The following FAM135B variants were observed in gnomAD, a reference collection of about 807,000 sequenced individuals.
FAM135B encodes family with sequence similarity 135 member B.
Under a neutral mutation model 127.7 loss-of-function variants are expected in FAM135B, and 43 were observed. The ratio of observed to expected loss-of-function variants is 0.34; its 90% CI spans 0.26 to 0.43. The LOEUF (loss-of-function observed/expected upper bound fraction) is 0.43, where lower values mean the gene tolerates loss of function less well. Ranked by LOEUF, FAM135B falls within the 20% of genes least tolerant of loss-of-function variation. FAM135B has a pLI of 1.00. For synonymous variants in FAM135B, 670 were observed against 665.1 expected, an observed-to-expected ratio of 1.01 and a Z score of -0.11; for missense variants, 1,558 against 1,725.6, an observed-to-expected ratio of 0.90 and a Z score of 1.72.
At chr8:138,309,533 A>G (rs1826505350) in intron 3 of FAM135B, among the ~76,000 whole-genome samples, 1 of 152,178 alleles carries the variant, frequency 6.6e-6, no homozygotes. Flanking sequence ...CTCTGAAACC[A>G]CAGGCCTCTT....
intron 1 of FAM135B, among the ~76,000 whole-genome samples, chr8:138,376,595 T>C (rs1831489512): frequency 6.6e-6 from 1 of 152,214 alleles, no homozygotes; most frequent in Non-Finnish European, 1.5e-5. Flanking sequence ...GCACAATGCT[T>C]TATCCTCCCT....
chr8:138,144,503 T>G (rs544375986), intron 15 of FAM135B: 2 of 107,406 alleles, frequency 1.9e-5, no homozygotes, highest in Non-Finnish European at 3.8e-5. Context: ...CTATAAAATG[T>G]TAATTCAACA....
chr8:138,378,231 G>A (rs1005547207), intron 1 of FAM135B, among the ~76,000 whole-genome samples: 3 of 152,166 alleles, frequency 2.0e-5, no homozygotes, highest in Non-Finnish European at 4.4e-5. Flanking sequence ...TGGTCCACAA[G>A]GATAAATACC....
At chr8:138,405,578 G>A (rs1204350827) in intron 1 of FAM135B, among the ~76,000 whole-genome samples, 4 of 151,922 alleles carry the variant, frequency 2.6e-5, no homozygotes, top group Non-Finnish European at 5.9e-5. Context: ...ATTCCATGGT[G>A]TATATGTGCC....
At position 138,189,155 on chromosome 8, in the gene FAM135B, G is replaced by A. The variant is rs1411652059; in HGVS notation, c.873+6103C>T. Among the ~76,000 whole-genome samples the A allele has an allele frequency of 2.0e-5, 3 of 152,182 alleles. 1 individual carries two copies. Among genetic ancestry groups the A allele is most frequent in the Admixed American group, 1.3e-4 (2 of 15,286 alleles). ...GCTGGATGCCTCCCCAGAGACTATGGTTGCACGCTGGAGAGAAGCAGCTTG... is the reference window on the plus strand; with the variant it reads ...GCTGGATGCCTCCCCAGAGACTATGATTGCACGCTGGAGAGAAGCAGCTTG... On this transcript the variant is annotated intron_variant, in intron 9 of 19. Coordinates refer to ENST00000395297, the MANE Select transcript of FAM135B (RefSeq NM_015912.4).
intron 12 of FAM135B, among the ~76,000 whole-genome samples, chr8:138,156,473 C>T (rs964801122): frequency 6.6e-6 from 1 of 151,236 alleles, no homozygotes; most frequent in African/African-American, 2.4e-5. Context: ...GATAGAGACA[C>T]AAAAAACCCT....
rs1033933089 is a variant in FAM135B at position 138,130,678 on chromosome 8, T to G, written c.*1915A>C. 2 of 152,258 alleles carry G rather than the reference T, an allele frequency of 1.3e-5. No homozygotes were observed. Among genetic ancestry groups the G allele is most frequent in the Admixed American group, 1.3e-4 (2 of 15,276 alleles). 9.4% of individuals were successfully genotyped at this position (152,258 alleles called of 1,614,324 possible). A position where few individuals can be genotyped will look rare whatever the true frequency, so the allele number is the denominator to read the frequency against. On this transcript the variant is annotated 3_prime_UTR_variant, in exon 20 of 20. Coordinates refer to ENST00000395297, the MANE Select transcript of FAM135B (RefSeq NM_015912.4). ...GGAGAAGCTGCTACCAACTTATGGT[T>G]CTGTACTGAGCATGGGCACTTGCCT...
At chr8:138,159,011 G>T (rs989440640) in intron 12 of FAM135B, among the ~76,000 whole-genome samples, 1 of 151,552 alleles carries the variant, frequency 6.6e-6, no homozygotes, top group Non-Finnish European at 1.5e-5. Flanking sequence ...GGTGGCTCAC[G>T]CCTGTAATCC....
chr8:138,139,131 A>C, intron 17 of FAM135B, 35 bp from the exon 18 acceptor site: 1 of 1,365,862 alleles, frequency 7.3e-7, no homozygotes, highest in Non-Finnish European at 1.0e-6. Flanking sequence ...AATCAAAAAC[A>C]CAAAACAAAA....
chr8:138,151,204 T>G lies in FAM135B; in HGVS notation c.3271A>C (p.Arg1091=), dbSNP rs1263054454. Residue 1091 remains arginine (R), a synonymous_variant, in exon 13 of 20, where the codon AGG becomes CGG. Transcript: ENST00000395297. The part of the protein sequence containing the change: ...SSTLDEEVSE[R]MFSFYQAKEK... ...CGTCAGCCAGCTTACCTAAACATCC[T>G]CTCACTGACTTCCTCATCCAACGTG... The G allele has an allele frequency of 5.2e-6, 8 of 1,531,576 alleles. No individual in the cohort carries two copies. Among genetic ancestry groups the G allele is most frequent in the Non-Finnish European group, 7.0e-6 (8 of 1,139,964 alleles). The allele number at this position is 1,531,576 out of a possible 1,614,324, so 94.9% of individuals were successfully genotyped here.
chr8:138,396,872 C>T (rs1469779628), intron 1 of FAM135B, among the ~76,000 whole-genome samples: 1 of 152,182 alleles, frequency 6.6e-6, no homozygotes, highest in Non-Finnish European at 1.5e-5. Flanking sequence ...GCACCTGCTT[C>T]TGCTTCAAAG....
chr8:138,157,462 G>T (rs528578095), intron 12 of FAM135B, among the ~76,000 whole-genome samples: 1 of 152,160 alleles, frequency 6.6e-6, no homozygotes, highest in Non-Finnish European at 1.5e-5. Context: ...TCAGGCAGGA[G>T]AAATAAATAA....
intron 7 of FAM135B, among the ~76,000 whole-genome samples, chr8:138,216,885 G>A (rs949319893): frequency 3.9e-5 from 6 of 152,198 alleles, no homozygotes; most frequent in African/African-American, 1.2e-4. Context: ...AACGAGGCAT[G>A]AGGACACATA....
intron 7 of FAM135B, among the ~76,000 whole-genome samples, chr8:138,207,216 CTTTTTTTTTTT>C (rs72229891): frequency 7.5e-6 from 1 of 134,062 alleles, no homozygotes; most frequent in Non-Finnish European, 1.6e-5. Context: ...TGAAACAATA[CTTTTTTTTTTT>C]TTTTTTTTTG....
intron 11 of FAM135B, among the ~76,000 whole-genome samples, chr8:138,176,687 C>T (rs1221789513): frequency 6.6e-6 from 1 of 152,188 alleles, no homozygotes; most frequent in Non-Finnish European, 1.5e-5. Context: ...TCTATTTTTG[C>T]TATGGCATCT....
chr8:138,338,688 G>A (rs1828807137), intron 2 of FAM135B, among the ~76,000 whole-genome samples: 1 of 151,928 alleles, frequency 6.6e-6, no homozygotes, highest in Non-Finnish European at 1.5e-5. Context: ...CAACCATTGT[G>A]GAAGTCAGTG....
At chr8:138,486,342 A>T (rs1035885160) in intron 1 of FAM135B, among the ~76,000 whole-genome samples, 4 of 152,066 alleles carry the variant, frequency 2.6e-5, no homozygotes, top group Non-Finnish European at 5.9e-5. Flanking sequence ...AGTCCCAAAG[A>T]ATGAGCCCTG....
chr8:138,289,553 A>G (rs924268101), intron 3 of FAM135B, among the ~76,000 whole-genome samples: 3 of 152,168 alleles, frequency 2.0e-5, no homozygotes, highest in African/African-American at 7.2e-5. Context: ...CGCAAGGAGG[A>G]AACTTGCATT....
chr8:138,199,478 C>T (rs570347699), intron 7 of FAM135B, among the ~76,000 whole-genome samples: 1 of 152,298 alleles, frequency 6.6e-6, no homozygotes, highest in East Asian at 1.9e-4. Context: ...CAGCTGATGC[C>T]ATGGGGAGTG....
Sources: gnomAD v4.1 joint callset for allele counts (sites outside exome capture counted in the v4.1 genomes callset) on GRCh38, gnomAD v4.1.1 for gene constraint, MANE v1.5 for transcripts, NCBI Gene and HGNC (gene_info 2026-07-23, HGNC 2026-07-21) for gene names.